Variants in NEK1 observed in about 807,000 individuals in gnomAD.
NEK1 encodes the protein NIMA related kinase 1, also known as serine/threonine-protein kinase Nek1.
A neutral mutation model predicts 182.1 loss-of-function variants in NEK1; 137 were observed. The ratio of observed to expected loss-of-function variants is 0.75; its 90% confidence interval spans 0.65 to 0.87. The LOEUF is 0.87. Ranked by LOEUF, NEK1 falls within the 40% of genes least tolerant of loss-of-function variation. NEK1 has a pLI of 0.00. For synonymous variants in NEK1, 513 were observed against 492.2 expected (o/e 1.04, Z -0.56); for missense variants, 1,391 against 1,494.4 (o/e 0.93, Z 1.14).
At chr4:169,465,778 T>G (rs1467292433) in intron 26 of NEK1, among the ~76,000 whole-genome samples, 1 of 152,104 alleles carries the variant, frequency 6.6e-6, no homozygotes, top group Non-Finnish European at 1.5e-5. Context: ...TAATAAATAC[T>G]AATAATATAG....
At chr4:169,510,972 C>T (rs1332024549) in intron 19 of NEK1, among the ~76,000 whole-genome samples, 1 of 152,154 alleles carries the variant, frequency 6.6e-6, no homozygotes, top group Non-Finnish European at 1.5e-5. Flanking sequence ...CTCACAGTAG[C>T]ACTCATTAGA....
At chr4:169,412,545 G>T (rs1733848848) in intron 31 of NEK1, among the ~76,000 whole-genome samples, 1 of 152,042 alleles carries the variant, frequency 6.6e-6, no homozygotes, top group South Asian at 2.1e-4. Context: ...GACTTCTTTG[G>T]CCTGCCTATA....
intron 27 of NEK1, among the ~76,000 whole-genome samples, chr4:169,456,580 CA>C (rs1742926736): frequency 6.6e-6 from 1 of 152,160 alleles, no homozygotes; most frequent in Admixed American, 6.6e-5. Flanking sequence ...CTACTATGAG[CA>C]GCTGTATTTC....
At chr4:169,559,225 G>A (rs951427411) in intron 16 of NEK1, among the ~76,000 whole-genome samples, 5 of 152,114 alleles carry the variant, frequency 3.3e-5, no homozygotes, top group Non-Finnish European at 1.5e-5. Context: ...ACACAAAAGG[G>A]AGAAGAATAA....
intron 23 of NEK1, among the ~76,000 whole-genome samples, chr4:169,504,808 T>C (rs193237969): frequency 7.9e-5 from 12 of 152,272 alleles, no homozygotes; most frequent in Middle Eastern, 3.4e-3. Context: ...CAGTATTTGA[T>C]AGCACAACAG....
chr4:169,405,965 G>A (rs529416835), intron 32 of NEK1, among the ~76,000 whole-genome samples: 16 of 152,132 alleles, frequency 1.1e-4, no homozygotes, highest in East Asian at 1.9e-4. Context: ...TTAGCCAGGC[G>A]TGGTGGCAAG....
chr4:169,557,526 T>TA (rs11402301), intron 16 of NEK1, among the ~76,000 whole-genome samples: 29,400 of 152,002 alleles, frequency 0.19, 4,278 homozygotes, highest in African/African-American at 0.41. Flanking sequence ...TGGAAGCCTT[T>TA]AAAAAAACCA....
At chr4:169,558,229 A>T (rs191928141) in intron 16 of NEK1, among the ~76,000 whole-genome samples, 121 of 152,368 alleles carry the variant, frequency 7.9e-4, no homozygotes, top group African/African-American at 2.8e-3. Context: ...ATCTCAGAAG[A>T]TGCTCATACT....
At chr4:169,550,082 C>G (rs1761185917) in intron 18 of NEK1, among the ~76,000 whole-genome samples, 6 of 152,114 alleles carry the variant, frequency 3.9e-5, no homozygotes, top group Admixed American at 3.9e-4. Context: ...AATTGAAACT[C>G]CCATAATTCC....
chr4:169,400,606 A>T lies in NEK1; in HGVS notation c.3629T>A (p.Val1210Asp). ...TCTCAGTTCCTCTAAATGGTTAAAGACACTATCGCATTCACATTCACTAGC... is the reference window on the plus strand; with the variant it reads ...TCTCAGTTCCTCTAAATGGTTAAAGTCACTATCGCATTCACATTCACTAGC... ...EIASECECDS[V>D]FNHLEELRLH... The change falls in exon 34 of 36, where the codon GTC becomes GAC. Residue 1210 changes from valine (V) to aspartate (D), a missense_variant. Transcript: ENST00000507142. 6.2e-7 allele frequency: 1 copy of T among 1,605,244 alleles called. No homozygotes were observed. Among genetic ancestry groups the T allele is most frequent in the Non-Finnish European group, 8.5e-7 (1 of 1,175,594 alleles).
chr4:169,546,864 G>A (rs553288924), intron 18 of NEK1, among the ~76,000 whole-genome samples: 12 of 152,196 alleles, frequency 7.9e-5, no homozygotes, highest in African/African-American at 1.9e-4. Context: ...GAGCCTACAC[G>A]TGTCTTTGCA....
At chr4:169,525,623 A>T (rs1011159124) in intron 19 of NEK1, among the ~76,000 whole-genome samples, 4 of 152,204 alleles carry the variant, frequency 2.6e-5, no homozygotes, top group African/African-American at 9.6e-5. Context: ...ACTAGAGCAT[A>T]GCCACACTAA....
At chr4:169,407,653 A>G (rs10023181) in intron 31 of NEK1, among the ~76,000 whole-genome samples, 137,648 of 152,238 alleles carry the variant, frequency 0.9, 62,334 homozygotes, top group African/African-American at 0.94. Context: ...TAGATAGACA[A>G]GGCTATGAAA....
At chr4:169,460,197 A>G (rs751491507) in intron 27 of NEK1, among the ~76,000 whole-genome samples, 1 of 152,060 alleles carries the variant, frequency 6.6e-6, no homozygotes. Flanking sequence ...CATGCTGCTG[A>G]TAAGGACATG....
chr4:169,420,598 TG>T (rs1337633467), intron 31 of NEK1, among the ~76,000 whole-genome samples: 1 of 152,154 alleles, frequency 6.6e-6, no homozygotes, highest in Non-Finnish European at 1.5e-5. Flanking sequence ...CTGCTGTATA[TG>T]GGGTCTGTAA....
At chr4:169,562,535 C>T (rs929995416) in intron 12 of NEK1, among the ~76,000 whole-genome samples, 2 of 151,910 alleles carry the variant, frequency 1.3e-5, no homozygotes, top group African/African-American at 2.4e-5. Context: ...AAATTAGTGA[C>T]ACAATATATA....
At chr4:169,438,899 ATATC>A (rs1307646277) in intron 27 of NEK1, among the ~76,000 whole-genome samples, 1 of 152,172 alleles carries the variant, frequency 6.6e-6, no homozygotes, top group Non-Finnish European at 1.5e-5. Flanking sequence ...TCCAATGGTC[ATATC>A]TTAGAGAACT....
At chr4:169,479,375 G>A in intron 24 of NEK1, 28 bp downstream of exon 24, 13 of 1,585,722 alleles carry the variant, frequency 8.2e-6, no homozygotes, top group Non-Finnish European at 1.1e-5. Flanking sequence ...TTTTGACTTT[G>A]AGGAGTTCTG....
At chr4:169,580,133 T>C (rs1766374656) in intron 11 of NEK1, among the ~76,000 whole-genome samples, 1 of 152,192 alleles carries the variant, frequency 6.6e-6, no homozygotes, top group Non-Finnish European at 1.5e-5. Context: ...AGAAAACCTA[T>C]CTTTAATGAA....
Sources: gnomAD v4.1 joint callset for allele counts (sites outside exome capture counted in the v4.1 genomes callset) on GRCh38, gnomAD v4.1.1 for gene constraint, MANE v1.5 for transcripts, NCBI Gene and HGNC (gene_info 2026-07-23, HGNC 2026-07-21) for gene names.